Variants in PDE7A observed in about 807,000 individuals in gnomAD.
PDE7A encodes high affinity 3',5'-cyclic-AMP phosphodiesterase 7A.
PDE7A carries 39 observed loss-of-function variants against 64.3 expected under a neutral mutation model. That is an observed-to-expected ratio of 0.61 (90% CI 0.47 to 0.79). The LOEUF (loss-of-function observed/expected upper bound fraction) is 0.79, where lower values mean the gene tolerates loss of function less well. PDE7A is among the 30% of genes least tolerant of loss of function. The pLI is 0.00. For missense variants in PDE7A, 470 were observed against 582.8 expected (o/e 0.81, Z 1.99); for synonymous variants, 203 against 206.8 (o/e 0.98, Z 0.16).
At chr8:65,767,784 C>T (rs1324443058) in intron 3 of PDE7A, among the ~76,000 whole-genome samples, 2 of 152,212 alleles carry the variant, frequency 1.3e-5, no homozygotes, top group Non-Finnish European at 2.9e-5. Flanking sequence ...CCCTACACAT[C>T]TCTTCATCTG....
In PDE7A at chr8:65,718,069, T is replaced by C. The variant is rs1236566186; in HGVS notation, c.*1221A>G. 1 of 152,236 alleles carries C rather than the reference T, an allele frequency of 6.6e-6. No individual in the cohort carries two copies. The highest frequency in any genetic ancestry group is 2.4e-5 in the African/African-American group (1 of 41,456). The allele number at this position is 152,236 out of a possible 1,614,324, so 9.4% of individuals were successfully genotyped here. On this transcript the variant is annotated 3_prime_UTR_variant, in exon 13 of 13. Coordinates refer to ENST00000401827, the MANE Select transcript of PDE7A (RefSeq NM_001242318.3). ...AGGGAGGGACAAGAAAACAATGCAC[T>C]TTTTTCAAATCAAAACAAGAAGTTT...
At chr8:65,803,827 T>G (rs964363648) in intron 1 of PDE7A, among the ~76,000 whole-genome samples, 5 of 152,162 alleles carry the variant, frequency 3.3e-5, no homozygotes, top group Non-Finnish European at 7.4e-5. Context: ...TCCTGTCAAT[T>G]CCCAAATTCT....
At position 65,815,080 on chromosome 8, in the gene PDE7A, C is replaced by CA. The variant is rs58731933; in HGVS notation, c.138+26290dup. Among the ~76,000 whole-genome samples, 349 of 129,676 alleles carry CA rather than the reference C, an allele frequency of 2.7e-3. 2 individuals are homozygous for CA. The highest frequency in any genetic ancestry group is 0.026 in the South Asian group (108 of 4,080). 85.1% of individuals were successfully genotyped at this position (129,676 alleles called of 152,430 possible). A position where few individuals can be genotyped will look rare whatever the true frequency, so the allele number is the denominator to read the frequency against. ...TGTGTGACAGAGTGAGACTCCATCT[C>CA]AAAAAAAAAAAAAATTAATTTTGCC... On this transcript the variant is annotated intron_variant, in intron 1 of 12. Coordinates refer to ENST00000401827, the MANE Select transcript of PDE7A (RefSeq NM_001242318.3).
chr8:65,809,719 C>T (rs929909633), intron 1 of PDE7A, among the ~76,000 whole-genome samples: 2 of 152,202 alleles, frequency 1.3e-5, no homozygotes, highest in Non-Finnish European at 2.9e-5. Context: ...CAAAAGAAGA[C>T]ATTTATGCAG....
At position 65,715,757 on chromosome 8, in the gene PDE7A, G is replaced by A. The variant is rs1297975034; in HGVS notation, c.*3533C>T. On this transcript the variant is annotated 3_prime_UTR_variant, in exon 13 of 13. Coordinates refer to ENST00000401827, the MANE Select transcript of PDE7A (RefSeq NM_001242318.3). ...TCCCAGCACTATGGGAGGCCGAGGCGGGCGGATCACGAGGTCAGGAGATTG... is the reference window on the plus strand; with the variant it reads ...TCCCAGCACTATGGGAGGCCGAGGCAGGCGGATCACGAGGTCAGGAGATTG... Among the ~76,000 whole-genome samples the A allele has an allele frequency of 4.8e-4, 71 of 148,426 alleles. No homozygotes were observed. The highest frequency in any genetic ancestry group is 7.3e-4 in the Admixed American group (11 of 15,070).
chr8:65,747,537 C>A (rs1278957768), intron 4 of PDE7A, 115 bp downstream of exon 4: 8 of 569,388 alleles, frequency 1.4e-5, no homozygotes, highest in Non-Finnish European at 2.0e-5. Context: ...AAAATAGGCT[C>A]AACTGCTTTT....
chr8:65,786,092 T>A (rs1809550127), intron 1 of PDE7A, among the ~76,000 whole-genome samples: 1 of 152,074 alleles, frequency 6.6e-6, no homozygotes, highest in Non-Finnish European at 1.5e-5. Flanking sequence ...AATGGTAGGG[T>A]CTGTATTAAT....
chr8:65,723,786 C>T (rs943938212), intron 11 of PDE7A, among the ~76,000 whole-genome samples, 165 bp from the exon 12 acceptor site: 1 of 152,104 alleles, frequency 6.6e-6, no homozygotes, highest in South Asian at 2.1e-4. Context: ...GTTATTTACA[C>T]ATAGAAGAGA....
At chr8:65,762,240 C>T (rs1783282750) in intron 3 of PDE7A, among the ~76,000 whole-genome samples, 1 of 152,110 alleles carries the variant, frequency 6.6e-6, no homozygotes, top group Non-Finnish European at 1.5e-5. Context: ...CTTGATTTCC[C>T]TCAAAAAGAA....
At chr8:65,753,220 G>A (rs953272272) in intron 3 of PDE7A, among the ~76,000 whole-genome samples, 2 of 152,112 alleles carry the variant, frequency 1.3e-5, no homozygotes, top group African/African-American at 4.8e-5. Context: ...TTTTTTAAAA[G>A]TCATTATTGA....
intron 1 of PDE7A, among the ~76,000 whole-genome samples, chr8:65,818,305 T>C (rs1484077715): frequency 6.6e-6 from 1 of 152,214 alleles, no homozygotes; most frequent in Non-Finnish European, 1.5e-5. Context: ...TTAGATAATG[T>C]AGTGACTCAG....
chr8:65,815,080 CAAA>C, intron 1 of PDE7A, among the ~76,000 whole-genome samples: 1 of 129,842 alleles, frequency 7.7e-6, no homozygotes, highest in East Asian at 2.3e-4. Flanking sequence ...GACTCCATCT[CAAA>C]AAAAAAAAAA....
At position 65,735,001 on chromosome 8, in the gene PDE7A, C is replaced by T. The variant is rs958162049; in HGVS notation, c.596-107G>A. 2.5e-5 allele frequency: 18 copies of T among 715,500 alleles called. No individual in the cohort carries two copies. The East Asian group carries it at 2.6e-4, about 10-fold the overall frequency. The allele number at this position is 715,500 out of a possible 1,614,324, so 44.3% of individuals were successfully genotyped here. A position where few individuals can be genotyped will look rare whatever the true frequency, so the allele number is the denominator to read the frequency against. On this transcript the variant is annotated intron_variant, in intron 6 of 12. Coordinates refer to ENST00000401827, the MANE Select transcript of PDE7A (RefSeq NM_001242318.3). ...CCACTCATACTTTTCATGTAGCTAT[C>T]GGCTAAAATCGTGCCGATTCGGGCA... is the stretch of plus-strand genomic sequence containing the variant.
Position 65,718,235 on chromosome 8 carries a change from T to C in PDE7A, c.*1055A>G, listed in dbSNP as rs910660209. On this transcript the variant is annotated 3_prime_UTR_variant, in exon 13 of 13. Coordinates refer to ENST00000401827, the MANE Select transcript of PDE7A (RefSeq NM_001242318.3). ...AATAAAAGCTTACATTTCAAATCTT[T>C]GCCCACATGGAGAAACATAACATGC... The C allele has an allele frequency of 1.3e-5, 2 of 152,222 alleles. No homozygotes were observed. The highest frequency in any genetic ancestry group is 4.8e-5 in the African/African-American group (2 of 41,444). 9.4% of individuals were successfully genotyped at this position (152,222 alleles called of 1,614,324 possible).
chr8:65,796,423 C>G (rs1809845653), intron 1 of PDE7A, among the ~76,000 whole-genome samples: 1 of 152,004 alleles, frequency 6.6e-6, no homozygotes, highest in Non-Finnish European at 1.5e-5. Flanking sequence ...AGACTAATAT[C>G]CCCTATAAAC....
intron 1 of PDE7A, among the ~76,000 whole-genome samples, chr8:65,807,230 A>C (rs2128929055): frequency 6.6e-6 from 1 of 152,334 alleles, no homozygotes; most frequent in Non-Finnish European, 1.5e-5. Context: ...TGTAGTTTTC[A>C]GACAATACAC....
chr8:65,733,398 A>T (rs375167111), intron 7 of PDE7A, among the ~76,000 whole-genome samples: 2 of 152,138 alleles, frequency 1.3e-5, no homozygotes, highest in East Asian at 3.8e-4. Flanking sequence ...TTACTCATCA[A>T]TCTCTCCCAC....
chr8:65,788,351 AAAC>A (rs1809615069), intron 1 of PDE7A, among the ~76,000 whole-genome samples: 1 of 152,352 alleles, frequency 6.6e-6, no homozygotes, highest in African/African-American at 2.4e-5. Flanking sequence ...TCAACTTCAA[AAAC>A]AACATATATG....
intron 3 of PDE7A, among the ~76,000 whole-genome samples, chr8:65,758,797 G>A (rs753753600): frequency 3.9e-4 from 60 of 152,254 alleles, no homozygotes; most frequent in Middle Eastern, 3.4e-3. Flanking sequence ...GGCACTCTAA[G>A]CATTTGCATC....
Sources: allele counts gnomAD v4.1 joint callset (sites outside exome capture counted in the v4.1 genomes callset), GRCh38; gene constraint gnomAD v4.1.1; transcripts MANE v1.5; gene names NCBI Gene and HGNC (gene_info 2026-07-23, HGNC 2026-07-21).